PDSS2: variants seen among roughly 807,000 people sequenced by gnomAD.
PDSS2 encodes the protein all trans-polyprenyl-diphosphate synthase PDSS2.
Under a neutral mutation model 44.5 loss-of-function variants are expected in PDSS2, and 31 were observed. The ratio of observed to expected loss-of-function variants is 0.70; its 90% CI spans 0.52 to 0.94. The LOEUF is 0.94. PDSS2 is among the 40% of genes least tolerant of loss of function. The pLI is 0.00. For missense variants in PDSS2, 452 were observed against 482.2 expected, an observed-to-expected ratio of 0.94 and a Z score of 0.59; for synonymous variants, 157 against 180.3, an observed-to-expected ratio of 0.87 and a Z score of 1.03.
intron 6 of PDSS2, among the ~76,000 whole-genome samples, chr6:107,207,983 T>TTTTTTTTG (rs1773051057): frequency 7.0e-6 from 1 of 143,376 alleles, no homozygotes; most frequent in Non-Finnish European, 1.5e-5. Context: ...GACTTGTTTT[T>TTTTTTTTG]TTTTTTTTTT....
chr6:107,203,375 C>T (rs1027458437), intron 6 of PDSS2, among the ~76,000 whole-genome samples: 7 of 152,142 alleles, frequency 4.6e-5, no homozygotes, highest in Non-Finnish European at 5.9e-5. Context: ...ATGAGTTTTA[C>T]GCTTAACCTC....
intron 1 of PDSS2, among the ~76,000 whole-genome samples, chr6:107,375,983 T>C (rs1779274050): frequency 6.6e-6 from 1 of 152,194 alleles, no homozygotes; most frequent in Non-Finnish European, 1.5e-5. Context: ...GACAGTACAC[T>C]AGCCAGTTTT....
rs182120618 is a variant in PDSS2 at position 107,305,609 on chromosome 6, T to C, written c.431+28589A>G. On this transcript the variant is annotated intron_variant, in intron 2 of 7. Transcript: ENST00000369037. ...TGTAAGGAGGAAATTCCATTCATTATGCAAGCAACAGGGATTCATGTAATG... is the reference window on the plus strand; with the variant it reads ...TGTAAGGAGGAAATTCCATTCATTACGCAAGCAACAGGGATTCATGTAATG... Among the ~76,000 whole-genome samples, 29 of 152,332 alleles carry C rather than the reference T, an allele frequency of 1.9e-4. 1 individual carries two copies. The highest frequency in any genetic ancestry group is 1.6e-3 in the Admixed American group (24 of 15,308).
chr6:107,185,427 C>T (rs9486553), intron 7 of PDSS2, among the ~76,000 whole-genome samples: 2,401 of 152,090 alleles, frequency 0.016, 63 homozygotes, highest in African/African-American at 0.055. Flanking sequence ...GTCTCTGTGA[C>T]GGAGATATTT....
intron 2 of PDSS2, among the ~76,000 whole-genome samples, chr6:107,306,200 G>T (rs151211744): frequency 6.6e-6 from 1 of 152,232 alleles, no homozygotes; most frequent in Non-Finnish European, 1.5e-5. Flanking sequence ...GTTTGGCTGT[G>T]TCCCCACCCA....
chr6:107,282,560 T>C (rs1025199028), intron 2 of PDSS2, among the ~76,000 whole-genome samples: 1 of 145,492 alleles, frequency 6.9e-6, no homozygotes, highest in Non-Finnish European at 1.5e-5. Flanking sequence ...ACCTGGCTGC[T>C]TTTTTTTTTT....
chr6:107,398,634 T>C (rs1370031083), intron 1 of PDSS2, among the ~76,000 whole-genome samples: 3 of 152,224 alleles, frequency 2.0e-5, no homozygotes, highest in Non-Finnish European at 4.4e-5. Flanking sequence ...AGACTGGCCC[T>C]CAGCCTCCCA....
At chr6:107,378,914 C>A (rs372510817) in intron 1 of PDSS2, among the ~76,000 whole-genome samples, 1 of 152,116 alleles carries the variant, frequency 6.6e-6, no homozygotes, top group African/African-American at 2.4e-5. Flanking sequence ...CATATCATAC[C>A]GAAGGTACAT....
chr6:107,255,507 G>A (rs1019000207), intron 3 of PDSS2, among the ~76,000 whole-genome samples: 18 of 151,730 alleles, frequency 1.2e-4, no homozygotes, highest in Non-Finnish European at 5.9e-5. Context: ...GCTTGAACCC[G>A]GGAATCGCTT....
At chr6:107,397,720 T>G (rs1383111687) in intron 1 of PDSS2, among the ~76,000 whole-genome samples, 1 of 152,118 alleles carries the variant, frequency 6.6e-6, no homozygotes, top group Non-Finnish European at 1.5e-5. Context: ...GTAAGAAAAA[T>G]AACAGTATTT....
At chr6:107,261,902 C>T (rs1453694371) in intron 3 of PDSS2, among the ~76,000 whole-genome samples, 18 of 85,724 alleles carry the variant, frequency 2.1e-4, no homozygotes, top group African/African-American at 7.1e-4. Context: ...TCTTTTCTTT[C>T]TTTTCTTTTT....
At chr6:107,222,453 G>A (rs1053549370) in intron 4 of PDSS2, among the ~76,000 whole-genome samples, 3 of 151,854 alleles carry the variant, frequency 2.0e-5, no homozygotes, top group East Asian at 3.9e-4. Flanking sequence ...TCAGGAGCTC[G>A]AGACCATCCT....
At chr6:107,302,398 T>C (rs777343028) in intron 2 of PDSS2, among the ~76,000 whole-genome samples, 7 of 151,884 alleles carry the variant, frequency 4.6e-5, no homozygotes, top group South Asian at 2.1e-4. Context: ...CTCAGCCTCC[T>C]GAATAGCTGG....
At position 107,223,127 on chromosome 6, in the gene PDSS2, T is replaced by C. The variant is rs1057374253; in HGVS notation, c.703-10845A>G. Among the ~76,000 whole-genome samples, 10 of 149,262 alleles carry C rather than the reference T, an allele frequency of 6.7e-5. 1 individual carries two copies. Among genetic ancestry groups the C allele is most frequent in the Admixed American group, 5.9e-4 (9 of 15,156 alleles). ...CCACACCCAGATAATTTTTTGTATC[T>C]TTAGCAGAGGCCAGGATGGTCTCGA... On this transcript the variant is annotated intron_variant, in intron 4 of 7. Transcript: ENST00000369037.
chr6:107,288,335 GT>G (rs1354339565), intron 2 of PDSS2, among the ~76,000 whole-genome samples: 1 of 152,138 alleles, frequency 6.6e-6, no homozygotes, highest in Non-Finnish European at 1.5e-5. Flanking sequence ...ATATTTGTCT[GT>G]TTTTTCCATT....
intron 7 of PDSS2, among the ~76,000 whole-genome samples, chr6:107,158,153 G>A (rs1433437922): frequency 6.6e-6 from 1 of 151,358 alleles, no homozygotes; most frequent in Non-Finnish European, 1.5e-5. Flanking sequence ...GATGGAGGCA[G>A]GCAGAGTAGA....
At position 107,405,575 on chromosome 6, in the gene PDSS2, C is replaced by T. The variant is rs377496610; in HGVS notation, c.296+53415G>A. Among the ~76,000 whole-genome samples the T allele has an allele frequency of 2.2e-4, 33 of 152,172 alleles. No individual in the cohort carries two copies. In the East Asian group the frequency reaches 3.7e-3, roughly 17 times the overall value. On this transcript the variant is annotated intron_variant, in intron 1 of 7. Transcript: ENST00000369037. Reference sequence around the variant, plus strand: ...ACTTAAAAGATACAGAGGCCGGGCGCGGTGGCTCACGCCTGTAATCCCAGC... The same window carrying T: ...ACTTAAAAGATACAGAGGCCGGGCGTGGTGGCTCACGCCTGTAATCCCAGC...
At chr6:107,183,749 G>A (rs1162776951) in intron 7 of PDSS2, among the ~76,000 whole-genome samples, 2 of 152,154 alleles carry the variant, frequency 1.3e-5, no homozygotes, top group Non-Finnish European at 2.9e-5. Context: ...GCAAAAATTA[G>A]CTGGGTGCAG....
In PDSS2 at chr6:107,274,046, G is replaced by A. The variant is rs1775690147; in HGVS notation, c.613C>T (p.Leu205=). ...AATTTTACCTTGGTGTTCTGTAGCAGAGCTAGTCCATTGCAGGCATTTGCT... is the reference window on the plus strand; with the variant it reads ...AATTTTACCTTGGTGTTCTGTAGCAAAGCTAGTCCATTGCAGGCATTTGCT... ...LLANACNGLA[L]LQNTKVVELL... is the part of the protein sequence containing the mutation. Residue 205 remains leucine, a synonymous_variant, in exon 3 of 8, where the codon CTG becomes TTG. Coordinates refer to ENST00000369037, the MANE Select transcript of PDSS2 (RefSeq NM_020381.4). 1 of 1,613,854 alleles carries A rather than the reference G, an allele frequency of 6.2e-7. No individual in the cohort carries two copies. Among genetic ancestry groups the A allele is most frequent in the African/African-American group, 1.3e-5 (1 of 74,936 alleles).
Sources: gnomAD v4.1 joint callset for allele counts (sites outside exome capture counted in the v4.1 genomes callset) on GRCh38, gnomAD v4.1.1 for gene constraint, MANE v1.5 for transcripts, NCBI Gene and HGNC (gene_info 2026-07-23, HGNC 2026-07-21) for gene names.